Variants in PICALM observed in about 807,000 individuals in gnomAD.
PICALM encodes the protein phosphatidylinositol binding clathrin assembly protein.
Under a neutral mutation model 80.5 loss-of-function variants are expected in PICALM, and 40 were observed. The observed-to-expected ratio is 0.50, with a 90% confidence interval of 0.39 to 0.65. The LOEUF (loss-of-function observed/expected upper bound fraction) is 0.65. Among genes scored for constraint, PICALM ranks in the 30% least tolerant of loss-of-function variants. PICALM has a pLI of 0.00. For missense variants in PICALM, 676 were observed against 778.9 expected, an observed-to-expected ratio of 0.87 and a Z score of 1.57; for synonymous variants, 288 against 260.3, an observed-to-expected ratio of 1.11 and a Z score of -1.02.
Position 86,014,825 on chromosome 11 carries a change from A to AT in PICALM, c.546+44dup, listed in dbSNP as rs776782764. On this transcript the variant is annotated intron_variant, in intron 5 of 19. Coordinates refer to ENST00000393346, the MANE Select transcript of PICALM (RefSeq NM_007166.4). ...AGGTTAAAAATTCTCATGAATTATA[A>AT]TGACCTAATTTTTTAAAATCTTAAA... 2.7e-6 allele frequency: 3 copies of AT among 1,113,644 alleles called. No homozygotes were observed. The Admixed American group carries it at 7.4e-5, about 27-fold the overall frequency. The allele number at this position is 1,113,644 out of a possible 1,614,324, so 69.0% of individuals were successfully genotyped here.
chr11:85,973,331 CCACTATTT>C (rs2094169773), intron 19 of PICALM, among the ~76,000 whole-genome samples: 1 of 152,128 alleles, frequency 6.6e-6, no homozygotes, highest in African/African-American at 2.4e-5. Flanking sequence ...GAAATACAGT[CCACTATTT>C]CACTTTCTGT....
intron 17 of PICALM, 70 bp from the exon 18 acceptor site, chr11:85,976,752 G>A: frequency 1.2e-6 from 1 of 863,612 alleles, no homozygotes; most frequent in Non-Finnish European, 2.0e-6. Context: ...CAAGGAATTA[G>A]TAGCTGTAGT....
intron 1 of PICALM, among the ~76,000 whole-genome samples, chr11:86,067,231 C>G (rs533788742): frequency 1.6e-4 from 24 of 152,272 alleles, no homozygotes; most frequent in Non-Finnish European, 2.9e-4. Flanking sequence ...TCAAAACAGG[C>G]TTCCAGACAG....
chr11:86,059,686 CAA>C (rs2096326254), intron 1 of PICALM, among the ~76,000 whole-genome samples: 1 of 152,026 alleles, frequency 6.6e-6, no homozygotes, highest in Non-Finnish European at 1.5e-5. Flanking sequence ...CCCTTGAGCC[CAA>C]GAGTTCAGAG....
chr11:85,972,011 G>A (rs958254212), intron 19 of PICALM, among the ~76,000 whole-genome samples: 2 of 151,952 alleles, frequency 1.3e-5, no homozygotes, highest in Non-Finnish European at 2.9e-5. Context: ...TTGAACTCCC[G>A]ACCTCAGGTG....
chr11:86,047,167 T>C (rs1443241711), intron 1 of PICALM, among the ~76,000 whole-genome samples: 1 of 152,226 alleles, frequency 6.6e-6, no homozygotes, highest in East Asian at 1.9e-4. Flanking sequence ...ACACACACTC[T>C]ACCCCCATTT....
chr11:85,986,536 G>A (rs112781026), intron 13 of PICALM, among the ~76,000 whole-genome samples: 173 of 151,126 alleles, frequency 1.1e-3, no homozygotes, highest in African/African-American at 4.1e-3. Flanking sequence ...GACTACAGGC[G>A]CCCGCCACCG....
chr11:86,061,292 T>C (rs541842360), intron 1 of PICALM, among the ~76,000 whole-genome samples: 5 of 136,504 alleles, frequency 3.7e-5, no homozygotes, highest in Non-Finnish European at 6.0e-5. Flanking sequence ...GATGGCCCCA[T>C]TGCACTCCAG....
chr11:86,026,412 C>T, intron 2 of PICALM, 45 bp from the exon 3 acceptor site: 1 of 1,151,414 alleles, frequency 8.7e-7, no homozygotes, highest in Non-Finnish European at 1.3e-6. Flanking sequence ...GCCATCTCAC[C>T]AACTCTAATT....
chr11:86,024,746 C>T (rs189797481), intron 3 of PICALM, among the ~76,000 whole-genome samples: 305 of 152,316 alleles, frequency 2.0e-3, no homozygotes, highest in African/African-American at 7.0e-3. Flanking sequence ...ATTCTATTCA[C>T]ATTCATTTGC....
chr11:86,037,014 C>T (rs1445612488), intron 1 of PICALM, among the ~76,000 whole-genome samples: 3 of 150,880 alleles, frequency 2.0e-5, no homozygotes, highest in Non-Finnish European at 2.9e-5. Context: ...GGCGTGATCT[C>T]GGCTCACTGC....
At chr11:86,025,044 G>A (rs748634770) in intron 3 of PICALM, among the ~76,000 whole-genome samples, 4 of 152,174 alleles carry the variant, frequency 2.6e-5, no homozygotes, top group Admixed American at 6.5e-5. Flanking sequence ...AAGTAAAACA[G>A]ATCCCATTAA....
At chr11:86,004,532 G>T (rs1191906196) in intron 8 of PICALM, among the ~76,000 whole-genome samples, 2 of 151,492 alleles carry the variant, frequency 1.3e-5, no homozygotes, top group African/African-American at 4.9e-5. Context: ...TTTAATGGAA[G>T]ACTAATTTTA....
chr11:85,960,659 A>C (rs618679), intron 19 of PICALM: 899,945 of 1,127,304 alleles, frequency 0.8, 360,514 homozygotes, highest in African/African-American at 0.89. Context: ...CCATCTCCCA[A>C]AACAAGTAGC....
chr11:85,964,042 T>C (rs147391397), intron 19 of PICALM, among the ~76,000 whole-genome samples: 126 of 151,664 alleles, frequency 8.3e-4, no homozygotes, highest in Admixed American at 2.2e-3. Flanking sequence ...AAAAGTCTAT[T>C]GATAGACTAT....
At chr11:86,000,525 CTT>C (rs2095110913) in intron 11 of PICALM, 116 bp downstream of exon 11, 1 of 714,794 alleles carries the variant, frequency 1.4e-6, no homozygotes, top group East Asian at 2.6e-5. Context: ...ATCGCCACCT[CTT>C]TGTGTGAATA....
At chr11:85,992,664 A>G (rs2094821682) in intron 12 of PICALM, among the ~76,000 whole-genome samples, 3 of 152,194 alleles carry the variant, frequency 2.0e-5, no homozygotes, top group Non-Finnish European at 4.4e-5. Context: ...TCAGACAAGT[A>G]AAATATCTGT....
rs371851615 is a variant in PICALM, at chr11:86,026,384, A to G, written c.274-17T>C. ...AATAAAACGCTGGAAAAAAAAAATT[A>G]CATCATATTAAGGTACTGCCATCTC... On this transcript the variant is annotated splice_polypyrimidine_tract_variant and intron_variant, in intron 2 of 19. Transcript: ENST00000393346. 4.0e-5 allele frequency: 60 copies of G among 1,513,992 alleles called. No individual in the cohort carries two copies. The highest frequency in any genetic ancestry group is 5.3e-5 in the Non-Finnish European group (58 of 1,096,234). The allele number at this position is 1,513,992 out of a possible 1,614,324, so 93.8% of individuals were successfully genotyped here.
intron 2 of PICALM, among the ~76,000 whole-genome samples, chr11:86,028,210 T>G (rs1264754015): frequency 6.6e-6 from 1 of 152,192 alleles, no homozygotes. Flanking sequence ...TGGTATTAAA[T>G]TGAGCACCAT....
Sources: gnomAD v4.1 joint callset for allele counts (sites outside exome capture counted in the v4.1 genomes callset) on GRCh38, gnomAD v4.1.1 for gene constraint, MANE v1.5 for transcripts, NCBI Gene and HGNC (gene_info 2026-07-23, HGNC 2026-07-21) for gene names.